The following WDPCP variants were observed in gnomAD, a reference collection of about 807,000 sequenced individuals.
The protein encoded by WDPCP is WD repeat containing planar cell polarity effector.
In WDPCP, 71 loss-of-function variants were observed where a neutral mutation model predicts 93.1. The observed-to-expected ratio is 0.76, with a 90% confidence interval of 0.63 to 0.93. The LOEUF is 0.93. WDPCP is among the 40% of genes least tolerant of loss of function. WDPCP has a pLI of 0.00. For missense variants in WDPCP, 844 were observed against 887.4 expected (o/e 0.95, Z 0.62); for synonymous variants, 315 against 315.0 (o/e 1.00, Z 0.00).
intron 2 of WDPCP, among the ~76,000 whole-genome samples, chr2:63,721,989 C>T (rs998959564): frequency 2.0e-5 from 3 of 152,062 alleles, no homozygotes; most frequent in Admixed American, 6.5e-5. Flanking sequence ...CCTCGGCCTC[C>T]CGAGGTGCCG....
At chr2:63,392,085 C>T (rs1693303637) in intron 10 of WDPCP, among the ~76,000 whole-genome samples, 1 of 152,140 alleles carries the variant, frequency 6.6e-6, no homozygotes, top group East Asian at 1.9e-4. Flanking sequence ...CAAGACAATC[C>T]TAAGCAAAAA....
At chr2:63,368,618 G>A (rs1354676036) in intron 12 of WDPCP, among the ~76,000 whole-genome samples, 3 of 150,312 alleles carry the variant, frequency 2.0e-5, no homozygotes, top group Non-Finnish European at 4.4e-5. Context: ...GAGCCACCAC[G>A]CCCAGCCAAT....
At chr2:63,840,792 G>C in the WDPCP span, 3 of 152,658 alleles carry the variant, frequency 2.0e-5, no homozygotes, top group Non-Finnish European at 4.4e-5. Flanking sequence ...CGCCGTAAGT[G>C]CTGCTCCCAC....
chr2:63,450,912 T>G (rs560234266), intron 6 of WDPCP, among the ~76,000 whole-genome samples: 2 of 152,166 alleles, frequency 1.3e-5, no homozygotes, highest in East Asian at 3.9e-4. Context: ...TGGGCAGCTA[T>G]CAATGTAAGA....
At chr2:63,476,271 C>A (rs995565756) in intron 6 of WDPCP, among the ~76,000 whole-genome samples, 2 of 152,058 alleles carry the variant, frequency 1.3e-5, no homozygotes, top group Non-Finnish European at 2.9e-5. Context: ...TCAAAGTCCC[C>A]GACGAGGAAG....
chr2:63,681,311 C>G (rs1293778193), intron 2 of WDPCP, among the ~76,000 whole-genome samples: 2 of 152,138 alleles, frequency 1.3e-5, no homozygotes, highest in Non-Finnish European at 2.9e-5. Flanking sequence ...GGGGAGCCCA[C>G]TGCTCCGAAG....
At chr2:63,355,780 T>C (rs1052108255) in intron 12 of WDPCP, among the ~76,000 whole-genome samples, 8 of 152,108 alleles carry the variant, frequency 5.3e-5, no homozygotes, top group Middle Eastern at 6.8e-3. Flanking sequence ...CCCAGCTACT[T>C]GGGAGGCTGA....
At position 63,394,821 on chromosome 2, in the gene WDPCP, G is replaced by A. The variant is rs569025890; in HGVS notation, c.1435+9227C>T. Among the ~76,000 whole-genome samples the A allele has an allele frequency of 8.5e-5, 13 of 152,110 alleles. No homozygotes were observed. In the South Asian group the frequency reaches 1.7e-3, roughly 20 times the overall value. ...CAAACACCACATTTCTCACTTATAC[G>A]TGGGAGCTAAACATTGAGTACTTAC... On this transcript the variant is annotated intron_variant, in intron 10 of 17. Transcript: ENST00000272321.
chr2:63,670,324 C>T (rs1710330494), intron 2 of WDPCP, among the ~76,000 whole-genome samples: 1 of 152,154 alleles, frequency 6.6e-6, no homozygotes, highest in Non-Finnish European at 1.5e-5. Flanking sequence ...GCTCTGGCTA[C>T]AGAGCCCCTT....
intron 14 of WDPCP, among the ~76,000 whole-genome samples, chr2:63,182,231 C>T (rs996481167): frequency 3.3e-5 from 5 of 151,856 alleles, no homozygotes; most frequent in South Asian, 4.1e-4. Context: ...TCCAGTTCTT[C>T]GGGAGACTGC....
intron 2 of WDPCP, among the ~76,000 whole-genome samples, chr2:63,653,688 A>G (rs1710133480): frequency 6.6e-6 from 1 of 152,206 alleles, no homozygotes; most frequent in Non-Finnish European, 1.5e-5. Flanking sequence ...AGGTAGGTGG[A>G]TCACTTGAAG....
chr2:63,586,923 G>A (rs1291806168), intron 1 of WDPCP, among the ~76,000 whole-genome samples: 1 of 152,182 alleles, frequency 6.6e-6, no homozygotes, highest in Non-Finnish European at 1.5e-5. Context: ...TGTGCACAAC[G>A]TGCAAGTTTG....
intron 6 of WDPCP, among the ~76,000 whole-genome samples, chr2:63,478,763 G>C (rs1040977560): frequency 6.6e-5 from 10 of 151,812 alleles, no homozygotes; most frequent in African/African-American, 2.4e-4. Context: ...CACACCTCAA[G>C]GAACTAGAGA....
At chr2:63,425,104 C>G (rs1696169523) in intron 9 of WDPCP, among the ~76,000 whole-genome samples, 1 of 152,198 alleles carries the variant, frequency 6.6e-6, no homozygotes, top group Admixed American at 6.5e-5. Context: ...AATCTAGCCA[C>G]ACATGAAGAT....
At chr2:63,207,104 G>T (rs1676397825) in intron 14 of WDPCP, among the ~76,000 whole-genome samples, 1 of 152,124 alleles carries the variant, frequency 6.6e-6, no homozygotes, top group Admixed American at 6.6e-5. Flanking sequence ...GGCTTCATCA[G>T]TTAGTTTTAA....
intron 1 of WDPCP, among the ~76,000 whole-genome samples, chr2:63,528,276 C>T (rs563485630): frequency 4.9e-4 from 75 of 152,266 alleles, no homozygotes; most frequent in Non-Finnish European, 9.4e-4. Flanking sequence ...GTGTTTTAGA[C>T]ATGAAGTCCT....
chr2:63,791,643 G>GT (rs1211387665), intron 2 of WDPCP, among the ~76,000 whole-genome samples: 2 of 152,100 alleles, frequency 1.3e-5, no homozygotes, highest in Non-Finnish European at 2.9e-5. Context: ...GGAGCTGACT[G>GT]AATAGTGATC....
intron 14 of WDPCP, among the ~76,000 whole-genome samples, chr2:63,234,163 G>T (rs1021702117): frequency 1.3e-5 from 2 of 152,148 alleles, no homozygotes; most frequent in Non-Finnish European, 1.5e-5. Context: ...ACAATACCTA[G>T]ATTCTGGCTC....
intron 12 of WDPCP, among the ~76,000 whole-genome samples, chr2:63,326,501 G>A (rs933516617): frequency 2.6e-5 from 4 of 152,032 alleles, no homozygotes; most frequent in Admixed American, 2.0e-4. Context: ...GAAAGGGAAA[G>A]ACCAGCAGAA....
Sources: allele counts gnomAD v4.1 joint callset (sites outside exome capture counted in the v4.1 genomes callset), GRCh38; gene constraint gnomAD v4.1.1; transcripts MANE v1.5; gene names NCBI Gene and HGNC (gene_info 2026-07-23, HGNC 2026-07-21).